SNTB1: variants seen among roughly 807,000 people sequenced by gnomAD.
SNTB1 encodes the protein syntrophin beta 1, also known as beta-1-syntrophin.
SNTB1 carries 36 observed loss-of-function variants against 48.9 expected under a neutral mutation model. The observed-to-expected ratio is 0.74, with a 90% confidence interval of 0.56 to 0.97. The LOEUF is 0.97. SNTB1 is among the 50% of genes least tolerant of loss of function. The pLI, the probability that SNTB1 is intolerant of heterozygous loss-of-function variation, is 0.00. For synonymous variants in SNTB1, 299 were observed against 294.6 expected (o/e 1.01, Z -0.15); for missense variants, 786 against 703.4 (o/e 1.12, Z -1.33).
chr8:120,711,723 C>A (rs1038873112), intron 1 of SNTB1, among the ~76,000 whole-genome samples: 11 of 152,138 alleles, frequency 7.2e-5, no homozygotes, highest in Non-Finnish European at 1.6e-4. Context: ...TGCAGGATTT[C>A]TGATTCAAGC....
intron 3 of SNTB1, among the ~76,000 whole-genome samples, chr8:120,619,310 T>TATAG (rs1426382481): frequency 1.0e-4 from 15 of 146,974 alleles, no homozygotes; most frequent in Non-Finnish European, 1.9e-4. Context: ...TATATATATA[T>TATAG]AGAGAGAGAG....
intron 2 of SNTB1, among the ~76,000 whole-genome samples, chr8:120,676,310 C>T (rs997764078): frequency 1.3e-5 from 2 of 152,184 alleles, no homozygotes; most frequent in African/African-American, 4.8e-5. Flanking sequence ...TAAAACTCAT[C>T]TTATTCAAGA....
rs187403562 is a variant in SNTB1, at chr8:120,552,482, C to T, written c.1137-3524G>A. 6.6e-3 allele frequency among the ~76,000 whole-genome samples: 1,001 copies of T among 152,270 alleles called. 12 individuals are homozygous for T. Among genetic ancestry groups the T allele is most frequent in the African/African-American group, 0.023 (940 of 41,548 alleles). On this transcript the variant is annotated intron_variant, in intron 4 of 6. Coordinates refer to ENST00000517992, the MANE Select transcript of SNTB1 (RefSeq NM_021021.4). The stretch of plus-strand genomic sequence containing the variant: ...CAAGCGATTCTCTGTCTCAGCCTCC[C>T]GAGTAGCTGGGATTACAGGTGTGCA...
intron 1 of SNTB1, among the ~76,000 whole-genome samples, chr8:120,706,918 AGGGT>A (rs146462323): frequency 0.012 from 1,789 of 152,284 alleles, 33 homozygotes; most frequent in African/African-American, 0.041. Flanking sequence ...ATCATTACCA[AGGGT>A]AGAGTCAGGA....
chr8:120,589,713 G>A (rs967889447), intron 3 of SNTB1, among the ~76,000 whole-genome samples: 2 of 152,036 alleles, frequency 1.3e-5, no homozygotes, highest in Admixed American at 6.6e-5. Flanking sequence ...TAAGAGAGGG[G>A]CATTCATGAT....
intron 1 of SNTB1, among the ~76,000 whole-genome samples, chr8:120,795,876 C>T (rs929426125): frequency 2.6e-5 from 4 of 152,036 alleles, no homozygotes; most frequent in Admixed American, 6.6e-5. Flanking sequence ...ATGGCCCCTC[C>T]CTATGTGCAT....
chr8:120,779,386 C>T (rs1819792549), intron 1 of SNTB1, among the ~76,000 whole-genome samples: 1 of 152,058 alleles, frequency 6.6e-6, no homozygotes, highest in Non-Finnish European at 1.5e-5. Context: ...GCCTGTAGTC[C>T]CAGCTACTTG....
intron 2 of SNTB1, chr8:120,637,575 GT>G: frequency 5.0e-6 from 1 of 200,422 alleles, no homozygotes. Context: ...AACACAAAGT[GT>G]TATGTGCAAA....
At chr8:120,652,037 T>C (rs1292149206) in intron 2 of SNTB1, among the ~76,000 whole-genome samples, 1 of 152,178 alleles carries the variant, frequency 6.6e-6, no homozygotes. Flanking sequence ...TGTATAACTT[T>C]GTATCTTTTA....
In SNTB1 at chr8:120,554,354, G is replaced by A. The variant is rs796408798; in HGVS notation, c.1137-5396C>T. ...CTTGACTCTGAACTGGAATAAGTGA[G>A]TTGGAAAATGAGTGAAGAAATGCAT... On this transcript the variant is annotated intron_variant, in intron 4 of 6. Transcript: ENST00000517992. Among the ~76,000 whole-genome samples the A allele has an allele frequency of 1.2e-4, 19 of 152,308 alleles. 1 individual carries two copies. Among genetic ancestry groups the A allele is most frequent in the African/African-American group, 4.6e-4 (19 of 41,546 alleles).
At chr8:120,643,211 T>C (rs1017575533) in intron 2 of SNTB1, among the ~76,000 whole-genome samples, 2 of 152,252 alleles carry the variant, frequency 1.3e-5, no homozygotes, top group African/African-American at 4.8e-5. Context: ...AAAAAGGAAC[T>C]GCTATGCCTT....
In SNTB1 at chr8:120,632,413, C is replaced by T. The variant is rs372744733; in HGVS notation, c.996+31G>A. ...AGCGCTGGGGGAATCTCGGGGAGGA[C>T]GACTATTACAGAGGAAGGTATTTTC... On this transcript the variant is annotated intron_variant, in intron 3 of 6. Coordinates refer to ENST00000517992, the MANE Select transcript of SNTB1 (RefSeq NM_021021.4). 2.9e-4 allele frequency: 455 copies of T among 1,595,332 alleles called. 1 individual carries two copies. Among genetic ancestry groups the T allele is most frequent in the Non-Finnish European group, 3.7e-4 (427 of 1,168,522 alleles).
chr8:120,593,967 G>A (rs1240056109), intron 3 of SNTB1, among the ~76,000 whole-genome samples: 1 of 152,102 alleles, frequency 6.6e-6, no homozygotes, highest in African/African-American at 2.4e-5. Flanking sequence ...ATTCAATTCT[G>A]TATTGTTTGA....
At chr8:120,693,933 C>CT in intron 1 of SNTB1, 25 bp from the exon 2 acceptor site, 4 of 1,556,772 alleles carry the variant, frequency 2.6e-6, no homozygotes, top group Non-Finnish European at 2.7e-6. Flanking sequence ...ACAACAAGTG[C>CT]TTTTAATACA....
intron 1 of SNTB1, among the ~76,000 whole-genome samples, chr8:120,732,532 T>A (rs1818869615): frequency 6.6e-6 from 1 of 152,222 alleles, no homozygotes; most frequent in African/African-American, 2.4e-5. Context: ...AAATATTCTA[T>A]AAATAGGTAA....
At chr8:120,728,579 G>A (rs1818799355) in intron 1 of SNTB1, among the ~76,000 whole-genome samples, 1 of 152,178 alleles carries the variant, frequency 6.6e-6, no homozygotes, top group Non-Finnish European at 1.5e-5. Context: ...TTATAAGTGA[G>A]AACATGCAGC....
At chr8:120,654,026 C>A (rs1413333284) in intron 2 of SNTB1, among the ~76,000 whole-genome samples, 1 of 76,498 alleles carries the variant, frequency 1.3e-5, no homozygotes, top group Non-Finnish European at 2.5e-5. Context: ...GGAGACAGAG[C>A]GAGACTCTGC....
chr8:120,580,317 T>G (rs1816024633), intron 3 of SNTB1, among the ~76,000 whole-genome samples: 1 of 152,222 alleles, frequency 6.6e-6, no homozygotes, highest in South Asian at 2.1e-4. Context: ...AAAATCTGGC[T>G]TTGCCACTTC....
At chr8:120,786,929 T>A (rs1382794020) in intron 1 of SNTB1, among the ~76,000 whole-genome samples, 1 of 152,110 alleles carries the variant, frequency 6.6e-6, no homozygotes, top group Non-Finnish European at 1.5e-5. Flanking sequence ...TTCAACCCAA[T>A]GAAGAAAGTA....
Sources: allele counts gnomAD v4.1 joint callset (sites outside exome capture counted in the v4.1 genomes callset), GRCh38; gene constraint gnomAD v4.1.1; transcripts MANE v1.5; gene names NCBI Gene and HGNC (gene_info 2026-07-23, HGNC 2026-07-21).